The following TMEM131 variants were observed in gnomAD, a reference collection of about 807,000 sequenced individuals.
The protein encoded by TMEM131 is transmembrane protein 131.
TMEM131 carries 66 observed loss-of-function variants against 211.6 expected under a neutral mutation model. The observed-to-expected ratio is 0.31, with a 90% CI of 0.26 to 0.38. The LOEUF is 0.38. Among genes scored for constraint, TMEM131 ranks in the 10% least tolerant of loss-of-function variants. The pLI is 1.00. For synonymous variants in TMEM131, 844 were observed against 841.3 expected (o/e 1.00, Z -0.06); for missense variants, 2,036 against 2,299.3 (o/e 0.89, Z 2.34).
At chr2:97,908,585 AGAG>A in intron 3 of TMEM131, 70 bp downstream of exon 3, 1 of 1,079,428 alleles carries the variant, frequency 9.3e-7, no homozygotes, top group Non-Finnish European at 1.4e-6. Context: ...GCAAGGGGAA[AGAG>A]GAGGGAGAAC....
chr2:97,911,788 C>T (rs1385889688), intron 2 of TMEM131: 1 of 314,004 alleles, frequency 3.2e-6, no homozygotes, highest in Non-Finnish European at 4.6e-6. Context: ...CAGAACATGC[C>T]AACACATCCT....
intron 25 of TMEM131, among the ~76,000 whole-genome samples, chr2:97,798,981 C>G (rs556172756): frequency 6.6e-5 from 10 of 152,300 alleles, no homozygotes; most frequent in Non-Finnish European, 1.0e-4. Context: ...TGTGATGCCT[C>G]CCGTATACCA....
Position 97,782,998 on chromosome 2 carries a change from G to C in TMEM131, c.4145-6980C>G, listed in dbSNP as rs527821936. The stretch of plus-strand genomic sequence containing the variant: ...AAAAAAAAAGAGCAAACCTCAAAAA[G>C]GGTAAACAGAAACGAATCCACATCA... On this transcript the variant is annotated intron_variant, in intron 31 of 40. Transcript: ENST00000186436. Among the ~76,000 whole-genome samples, 10 of 147,690 alleles carry C rather than the reference G, an allele frequency of 6.8e-5. No homozygotes were observed. The South Asian group carries it at 2.1e-3, about 31-fold the overall frequency.
chr2:97,790,215 CT>C (rs1680435860), intron 31 of TMEM131, among the ~76,000 whole-genome samples: 2 of 152,144 alleles, frequency 1.3e-5, no homozygotes, highest in African/African-American at 2.4e-5. Flanking sequence ...TCACAACATA[CT>C]ACTAGTTTGC....
intron 19 of TMEM131, among the ~76,000 whole-genome samples, 157 bp downstream of exon 19, chr2:97,809,531 T>C (rs982311025): frequency 2.0e-5 from 3 of 152,240 alleles, no homozygotes; most frequent in African/African-American, 7.2e-5. Context: ...GGAAAAGGAC[T>C]GTATCTCTTT....
At chr2:97,932,905 CGAT>C (rs1240767896) in intron 1 of TMEM131, among the ~76,000 whole-genome samples, 3 of 152,162 alleles carry the variant, frequency 2.0e-5, no homozygotes, top group African/African-American at 7.2e-5. Context: ...TTTTGGTCAA[CGAT>C]GGACTGCATA....
chr2:97,759,115 T>A, intron 39 of TMEM131, 62 bp from the exon 40 acceptor site: 1 of 1,598,740 alleles, frequency 6.3e-7, no homozygotes, highest in Non-Finnish European at 8.6e-7. Context: ...CTATAGCATA[T>A]GGGGCTTCAC....
At chr2:97,874,799 T>C (rs559046830) in intron 4 of TMEM131, among the ~76,000 whole-genome samples, 21 of 152,228 alleles carry the variant, frequency 1.4e-4, no homozygotes, top group African/African-American at 4.8e-4. Context: ...ATCAACACTA[T>C]GAAGAAACTG....
At chr2:97,926,066 C>T (rs964562982) in intron 2 of TMEM131, among the ~76,000 whole-genome samples, 2 of 150,984 alleles carry the variant, frequency 1.3e-5, no homozygotes, top group Admixed American at 1.3e-4. Flanking sequence ...GAGCCGAGAT[C>T]GCGCCACTGC....
chr2:97,984,856 A>G (rs1025957761), intron 1 of TMEM131, among the ~76,000 whole-genome samples: 1 of 152,124 alleles, frequency 6.6e-6, no homozygotes, highest in African/African-American at 2.4e-5. Context: ...AAATGGAGCA[A>G]ATGTGGAAGT....
At chr2:97,861,598 T>G (rs1157293007) in intron 4 of TMEM131, among the ~76,000 whole-genome samples, 2 of 151,724 alleles carry the variant, frequency 1.3e-5, no homozygotes, top group East Asian at 3.9e-4. Flanking sequence ...TCCGTGGGCT[T>G]GTGGTGGTGG....
rs947820640 is a variant in TMEM131 at position 97,836,531 on chromosome 2, T to C, written c.804+546A>G. Among the ~76,000 whole-genome samples, 5 of 152,204 alleles carry C rather than the reference T, an allele frequency of 3.3e-5. 1 individual carries two copies. The highest frequency in any genetic ancestry group is 2.6e-4 in the Admixed American group (4 of 15,280). On this transcript the variant is annotated intron_variant, in intron 8 of 40. Transcript: ENST00000186436. ...TAAGGTTCTCTTACATATTCTTTAA[T>C]TTGGTTAATATTGTTAAATATTCAA... is the stretch of plus-strand genomic sequence containing the variant.
chr2:97,888,747 C>T (rs897609090), intron 3 of TMEM131, among the ~76,000 whole-genome samples: 6 of 152,102 alleles, frequency 3.9e-5, no homozygotes, highest in Admixed American at 3.3e-4. Context: ...GGGCCTAACG[C>T]TGATATAAAA....
chr2:97,910,270 A>G (rs935521706), intron 2 of TMEM131, among the ~76,000 whole-genome samples: 1 of 152,170 alleles, frequency 6.6e-6, no homozygotes, highest in Non-Finnish European at 1.5e-5. Flanking sequence ...ACCTTTGTGC[A>G]CTGTTAGTGT....
rs11378393 is a variant in TMEM131 at position 97,831,664 on chromosome 2, C to CTTTTTTTTT, written c.1074+1692_1074+1700dup. Among the ~76,000 whole-genome samples, 26 of 80,630 alleles carry CTTTTTTTTT rather than the reference C, an allele frequency of 3.2e-4. 1 individual carries two copies. Among genetic ancestry groups the CTTTTTTTTT allele is most frequent in the African/African-American group, 3.5e-4 (7 of 19,788 alleles). 52.9% of individuals were successfully genotyped at this position (80,630 alleles called of 152,430 possible). A position where few individuals can be genotyped will look rare whatever the true frequency, so the allele number is the denominator to read the frequency against. ...ATATACTTTCATGTTTCACATACCT[C>CTTTTTTTTT]TTTTTTTTTTTTTTTTTTTTTTTTT... On this transcript the variant is annotated intron_variant, in intron 11 of 40. Coordinates refer to ENST00000186436, the MANE Select transcript of TMEM131 (RefSeq NM_015348.2).
intron 5 of TMEM131, among the ~76,000 whole-genome samples, chr2:97,858,905 G>C (rs1226007817): frequency 6.6e-6 from 1 of 152,220 alleles, no homozygotes; most frequent in Non-Finnish European, 1.5e-5. Context: ...CTGATACACT[G>C]AACAAACAAC....
At chr2:97,895,019 G>A (rs1675544178) in intron 3 of TMEM131, among the ~76,000 whole-genome samples, 1 of 152,124 alleles carries the variant, frequency 6.6e-6, no homozygotes, top group Non-Finnish European at 1.5e-5. Context: ...GTCATAAATA[G>A]CTCTTATTAG....
In TMEM131 at chr2:97,815,317, A is replaced by G. The variant is rs1281946568; in HGVS notation, c.1184-10T>C. 3 of 1,516,892 alleles carry G rather than the reference A, an allele frequency of 2.0e-6. No homozygotes were observed. The highest frequency in any genetic ancestry group is 1.3e-5 in the South Asian group (1 of 77,878). 94.0% of individuals were successfully genotyped at this position (1,516,892 alleles called of 1,614,324 possible). The stretch of plus-strand genomic sequence containing the variant: ...TTTTTTGCCTTCGATGCTGAAAGGA[A>G]GCATAAAAAATAATCTCTGTTACCT... On this transcript the variant is annotated splice_polypyrimidine_tract_variant and intron_variant, in intron 12 of 40. Transcript: ENST00000186436.
In TMEM131 at chr2:97,812,567, G is replaced by C. The variant is rs1559375016; in HGVS notation, c.1729-12C>G. 1.3e-6 allele frequency: 2 copies of C among 1,596,214 alleles called. No individual in the cohort carries two copies. The highest frequency in any genetic ancestry group is 1.7e-6 in the Non-Finnish European group (2 of 1,174,504). ...CTTTTTATAGCCAACTTTAAAAAAA[G>C]ATATGAAAATGATTATCACAACACA... is the stretch of plus-strand genomic sequence containing the variant. On this transcript the variant is annotated splice_polypyrimidine_tract_variant and intron_variant, in intron 16 of 40. Coordinates refer to ENST00000186436, the MANE Select transcript of TMEM131 (RefSeq NM_015348.2).
Sources: gnomAD v4.1 joint callset for allele counts (sites outside exome capture counted in the v4.1 genomes callset) on GRCh38, gnomAD v4.1.1 for gene constraint, MANE v1.5 for transcripts, NCBI Gene and HGNC (gene_info 2026-07-23, HGNC 2026-07-21) for gene names.